The following CR2 variants were observed in gnomAD, a reference collection of about 807,000 sequenced individuals.
CR2 encodes the protein complement receptor type 2.
Under a neutral mutation model 123.0 loss-of-function variants are expected in CR2, and 96 were observed. The ratio of observed to expected loss-of-function variants is 0.78; its 90% confidence interval spans 0.66 to 0.93. The LOEUF is 0.93. CR2 is among the 40% of genes least tolerant of loss of function. CR2 has a pLI of 0.00. For synonymous variants in CR2, 484 were observed against 469.5 expected (o/e 1.03, Z -0.40); for missense variants, 1,258 against 1,361.0 (o/e 0.92, Z 1.19).
rs974058225 is a variant in CR2, at chr1:207,486,188, G to A, written c.*18+616G>A. 1.4e-4 allele frequency among the ~76,000 whole-genome samples: 18 copies of A among 127,950 alleles called. 1 individual carries two copies. In the East Asian group the frequency reaches 2.5e-3, roughly 18 times the overall value. 83.9% of individuals were successfully genotyped at this position (127,950 alleles called of 152,430 possible). Reference sequence around the variant, plus strand: ...GGAGGTTGCAGTGAGCCAAGACTGCGCCACTGTACCCCAGCCTGGACAACA... The same window carrying A: ...GGAGGTTGCAGTGAGCCAAGACTGCACCACTGTACCCCAGCCTGGACAACA... On this transcript the variant is annotated intron_variant, in intron 19 of 19. Coordinates refer to ENST00000367057, the MANE Select transcript of CR2 (RefSeq NM_001006658.3).
At position 207,485,513 on chromosome 1, in the gene CR2, C is replaced by T. The variant is rs185689791; in HGVS notation, c.3238C>T (p.Arg1080Ter). 2.7e-5 allele frequency: 43 copies of T among 1,613,270 alleles called. No individual in the cohort carries two copies. In the East Asian group the frequency reaches 4.5e-4, roughly 17 times the overall value. The change falls in exon 19 of 20, where the codon CGA (arginine) becomes TGA (stop). Residue 1080 changes from arginine (R) to a stop codon, truncating the protein, a stop_gained. Coordinates refer to ENST00000367057, the MANE Select transcript of CR2 (RefSeq NM_001006658.3). LOFTEE classifies it high-confidence loss of function. ...GAAAGAAGCTTTTCATTTAGAAGCA[C>T]GAGAAGTATATTCTGTTGATCCATA... ...SQKEAFHLEAREVYSVDPYNP... is the reference protein window; with the variant it reads ...SQKEAFHLEA
Position 207,468,620 on chromosome 1 carries a change from C to T in CR2, c.539C>T (p.Thr180Ile), listed in dbSNP as rs754171470. 8 of 1,614,028 alleles carry T rather than the reference C, an allele frequency of 5.0e-6. No individual in the cohort carries two copies. The East Asian group carries it at 1.1e-4, about 22-fold the overall frequency. ...VGSIAPGLSVTYSCESGYLLV... is the reference protein window; with the variant it reads ...VGSIAPGLSVIYSCESGYLLV... ...TCCATTGCTCCAGGATTGTCTGTGA[C>T]TTACAGCTGTGAATCTGGTTACTTG... Residue 180 changes from threonine (T) to isoleucine (I), a missense_variant, in exon 3 of 20, where the codon ACT (threonine) becomes ATT (isoleucine). Transcript: ENST00000367057.
intron 18 of CR2, among the ~76,000 whole-genome samples, chr1:207,484,376 A>G (rs888919049): frequency 6.6e-6 from 1 of 152,246 alleles, no homozygotes; most frequent in Non-Finnish European, 1.5e-5. Context: ...CCAATAATTG[A>G]TAAAGACACT....
At position 207,471,409 on chromosome 1, in the gene CR2, G is replaced by A. The variant is rs2102304705; in HGVS notation, c.1494-14G>A. 1.3e-6 allele frequency: 2 copies of A among 1,598,926 alleles called. No individual in the cohort carries two copies. The highest frequency in any genetic ancestry group is 1.7e-6 in the Non-Finnish European group (2 of 1,166,346). On this transcript the variant is annotated splice_polypyrimidine_tract_variant and intron_variant, in intron 8 of 19. Transcript: ENST00000367057. ...CACCTGATGGCAAAATGACATACGT[G>A]ACTCTGTCTCTAGGTACAAGTTAAG...
At chr1:207,477,290 C>T (rs1658469226) in intron 15 of CR2, among the ~76,000 whole-genome samples, 1 of 152,096 alleles carries the variant, frequency 6.6e-6, no homozygotes, top group African/African-American at 2.4e-5. Context: ...GAGAACTGTC[C>T]TTTATAAACC....
intron 18 of CR2, among the ~76,000 whole-genome samples, chr1:207,483,545 A>G (rs1403324272): frequency 8.4e-6 from 1 of 119,620 alleles, no homozygotes; most frequent in Non-Finnish European, 1.9e-5. Flanking sequence ...ATTTGGACAT[A>G]CTGCACACTG....
rs77625468 is a variant in CR2 at position 207,458,784 on chromosome 1, G to C, written c.58+4308G>C. Among the ~76,000 whole-genome samples, 1,108 of 152,154 alleles carry C rather than the reference G, an allele frequency of 7.3e-3. 8 individuals are homozygous for C. Among genetic ancestry groups the C allele is most frequent in the African/African-American group, 0.024 (1,014 of 41,486 alleles). On this transcript the variant is annotated intron_variant, in intron 1 of 19. Coordinates refer to ENST00000367057, the MANE Select transcript of CR2 (RefSeq NM_001006658.3). ...CACTCTATTTCATATTTCATGTTCA[G>C]CACCTTCTTATTTATTTCCTGGTAT... is the stretch of plus-strand genomic sequence containing the variant.
At chr1:207,478,458 G>A (rs1658503846) in intron 16 of CR2, among the ~76,000 whole-genome samples, 2 of 144,278 alleles carry the variant, frequency 1.4e-5, no homozygotes, top group South Asian at 4.4e-4. Flanking sequence ...AGCCCAGGAG[G>A]TTGAAGCTGC....
Position 207,475,609 on chromosome 1 carries a change from A to G in CR2, c.2716+393A>G, listed in dbSNP as rs74469966. Among the ~76,000 whole-genome samples the G allele has an allele frequency of 6.2e-4, 94 of 152,354 alleles. 2 individuals are homozygous for G. In the East Asian group the frequency reaches 0.015, roughly 24 times the overall value. The stretch of plus-strand genomic sequence containing the variant: ...GAACTTTGGGTGTTCTGGAGAATTA[A>G]TTGGCCCTCCAACCCATTGAATTGT... On this transcript the variant is annotated intron_variant, in intron 14 of 19. Transcript: ENST00000367057.
chr1:207,483,768 G>A lies in CR2; in HGVS notation c.3189-1696G>A, dbSNP rs968970974. ...ATTTGTGGGGGAAGATGAGGAGTTC[G>A]GTTCTGACCTGGTACTTTGAGGTAC... is the stretch of plus-strand genomic sequence containing the variant. On this transcript the variant is annotated intron_variant, in intron 18 of 19. Transcript: ENST00000367057. Among the ~76,000 whole-genome samples the A allele has an allele frequency of 4.6e-5, 7 of 152,048 alleles. No homozygotes were observed. In the East Asian group the frequency reaches 1.2e-3, roughly 25 times the overall value.
chr1:207,466,458 T>C lies in CR2; in HGVS notation c.59-68T>C, dbSNP rs941089889. 21 of 1,562,134 alleles carry C rather than the reference T, an allele frequency of 1.3e-5. No individual in the cohort carries two copies. In the East Asian group the frequency reaches 4.5e-4, roughly 33 times the overall value. On this transcript the variant is annotated intron_variant, in intron 1 of 19. Transcript: ENST00000367057. ...AGTTATGTGATCTATATTTGGATAT[T>C]TTACCTACATTTGAATATTTTCTCA...
chr1:207,487,380 A>G (rs543609826), intron 19 of CR2, among the ~76,000 whole-genome samples: 2 of 152,100 alleles, frequency 1.3e-5, no homozygotes, highest in Non-Finnish European at 2.9e-5. Flanking sequence ...TCTACTTCCT[A>G]GGTTCAAGTG....
intron 1 of CR2, among the ~76,000 whole-genome samples, chr1:207,462,844 C>G (rs1048822511): frequency 6.6e-6 from 1 of 152,106 alleles, no homozygotes; most frequent in Non-Finnish European, 1.5e-5. Flanking sequence ...CATAGATTAA[C>G]AGAATATGTA....
Position 207,485,137 on chromosome 1 carries a change from T to C in CR2, c.3189-327T>C, listed in dbSNP as rs978607684. Among the ~76,000 whole-genome samples, 17 of 152,244 alleles carry C rather than the reference T, an allele frequency of 1.1e-4. No homozygotes were observed. In the East Asian group the frequency reaches 2.7e-3, roughly 24 times the overall value. On this transcript the variant is annotated intron_variant, in intron 18 of 19. Coordinates refer to ENST00000367057, the MANE Select transcript of CR2 (RefSeq NM_001006658.3). The stretch of plus-strand genomic sequence containing the variant: ...TCACTTGTAAATGAAAGTTGAACAA[T>C]GAGAACATGTGGGCACAGGGAGGGA...
chr1:207,470,343 A>T (rs1157981441), intron 6 of CR2, among the ~76,000 whole-genome samples: 1 of 151,098 alleles, frequency 6.6e-6, no homozygotes, highest in Non-Finnish European at 1.5e-5. Flanking sequence ...TCTATAGGGG[A>T]AAAAATGAGG....
intron 16 of CR2, among the ~76,000 whole-genome samples, chr1:207,478,717 C>T (rs1046347914): frequency 1.1e-4 from 16 of 152,172 alleles, no homozygotes; most frequent in East Asian, 9.6e-4. Flanking sequence ...GACCACCCTA[C>T]GTGCTGAATC....
chr1:207,489,376 G>A lies in CR2; in HGVS notation c.*253G>A, dbSNP rs962292425. 6.6e-6 allele frequency: 1 copy of A among 152,196 alleles called. No individual in the cohort carries two copies. The highest frequency in any genetic ancestry group is 1.5e-5 in the Non-Finnish European group (1 of 68,040). 9.4% of individuals were successfully genotyped at this position (152,196 alleles called of 1,614,324 possible). The stretch of plus-strand genomic sequence containing the variant: ...TCACTTATGAGATGCCTGAAGCCAG[G>A]CCATGGCTATAAACAATTACATGGC... On this transcript the variant is annotated 3_prime_UTR_variant, in exon 20 of 20. Transcript: ENST00000367057.
At position 207,471,018 on chromosome 1, in the gene CR2, G is replaced by C; in HGVS notation, c.1424G>C (p.Gly475Ala). ...TTAGTGGCAGCGTGTGAAGCTACAG[G>C]AAGGCAACTCTTGACAAAACCCCAG... ...QCKVAACEAT[G>A]RQLLTKPQHQ... Residue 475 changes from glycine to alanine, a missense_variant, in exon 8 of 20, where the codon GGA (glycine) becomes GCA (alanine). By Grantham distance (60) the Gly-to-Ala change is moderately conservative. Coordinates refer to ENST00000367057, the MANE Select transcript of CR2 (RefSeq NM_001006658.3). The C allele has an allele frequency of 6.2e-7, 1 of 1,613,826 alleles. No homozygotes were observed.
chr1:207,470,418 T>G (rs1486242513), intron 6 of CR2, among the ~76,000 whole-genome samples: 1 of 152,186 alleles, frequency 6.6e-6, no homozygotes, highest in Non-Finnish European at 1.5e-5. Context: ...CCCTCATTCC[T>G]AGGGATATAT....
Sources: allele counts gnomAD v4.1 joint callset (sites outside exome capture counted in the v4.1 genomes callset), GRCh38; gene constraint gnomAD v4.1.1; transcripts MANE v1.5; gene names NCBI Gene and HGNC (gene_info 2026-07-23, HGNC 2026-07-21).